Variants in RIN3 observed in about 807,000 individuals in gnomAD.
RIN3 encodes Ras and Rab interactor 3.
RIN3 carries 54 observed loss-of-function variants against 76.3 expected under a neutral mutation model. That is an observed-to-expected ratio of 0.71 (90% CI 0.57 to 0.89). The LOEUF is 0.89. Among genes scored for constraint, RIN3 ranks in the 40% least tolerant of loss-of-function variants. RIN3 has a pLI of 0.00. For missense variants in RIN3, 1,256 were observed against 1,322.1 expected (o/e 0.95, Z 0.78); for synonymous variants, 576 against 564.0 (o/e 1.02, Z -0.30).
At chr14:92,659,562 G>A in intron 7 of RIN3, 93 bp downstream of exon 7, 1 of 1,227,884 alleles carries the variant, frequency 8.1e-7, no homozygotes, top group East Asian at 2.5e-5. Flanking sequence ...CCCTTGGAAG[G>A]CCCCAGACTT....
chr14:92,640,006 ATGCCTGACTGTGTGTTCGTCGAGGGC>A, intron 4 of RIN3, among the ~76,000 whole-genome samples: 1 of 117,298 alleles, frequency 8.5e-6, no homozygotes, highest in African/African-American at 3.4e-5. Flanking sequence ...TTGCTGGGAG[ATGCCTGACTGTGTGTTCGTCGAGGGC>A]TGCCTGACTG....
intron 2 of RIN3, among the ~76,000 whole-genome samples, chr14:92,570,488 C>A (rs773622943): frequency 2.0e-5 from 3 of 152,064 alleles, no homozygotes; most frequent in African/African-American, 7.2e-5. Context: ...TATGATGAAG[C>A]CCCATCTCCA....
At chr14:92,617,339 C>T (rs1595459333) in intron 4 of RIN3, among the ~76,000 whole-genome samples, 2 of 152,116 alleles carry the variant, frequency 1.3e-5, no homozygotes, top group East Asian at 3.9e-4. Context: ...AAAATTCCCC[C>T]CTTTTTGGTC....
chr14:92,581,371 T>C (rs1898431653), intron 3 of RIN3, among the ~76,000 whole-genome samples: 1 of 152,204 alleles, frequency 6.6e-6, no homozygotes, highest in African/African-American at 2.4e-5. Context: ...CCTACAACTT[T>C]CGGAAACCCA....
At chr14:92,682,707 T>C (rs1388407029) in intron 8 of RIN3, among the ~76,000 whole-genome samples, 1 of 152,160 alleles carries the variant, frequency 6.6e-6, no homozygotes, top group East Asian at 1.9e-4. Context: ...CACTTATATC[T>C]AAGGGGCCAC....
At chr14:92,674,889 C>A (rs1392619774) in intron 7 of RIN3, among the ~76,000 whole-genome samples, 59 of 118,462 alleles carry the variant, frequency 5.0e-4, no homozygotes, top group South Asian at 5.5e-4. Flanking sequence ...AACTCTGTCT[C>A]AAAAAAAAAA....
chr14:92,615,484 G>A lies in RIN3; in HGVS notation c.440+5G>A. 1.2e-6 allele frequency: 2 copies of A among 1,612,676 alleles called. No homozygotes were observed. Among genetic ancestry groups the A allele is most frequent in the Non-Finnish European group, 1.7e-6 (2 of 1,178,684 alleles). On this transcript the variant is annotated splice_donor_5th_base_variant and intron_variant, in intron 4 of 9. Coordinates refer to ENST00000216487, the MANE Select transcript of RIN3 (RefSeq NM_024832.5). Reference sequence around the variant, plus strand: ...TGCGTTCTACTGTGTCAGTAGGTGAGTAGACCCGGCCCTGCAGGAGGTTAT... The same window carrying A: ...TGCGTTCTACTGTGTCAGTAGGTGAATAGACCCGGCCCTGCAGGAGGTTAT...
At chr14:92,679,613 A>G (rs116626842) in intron 8 of RIN3, among the ~76,000 whole-genome samples, 1,521 of 151,976 alleles carry the variant, frequency 0.01, 31 homozygotes, top group African/African-American at 0.035. Flanking sequence ...GGTGTTTCTG[A>G]GTTTCTCTGG....
At chr14:92,600,840 G>A (rs930125343) in intron 3 of RIN3, among the ~76,000 whole-genome samples, 2 of 152,194 alleles carry the variant, frequency 1.3e-5, no homozygotes, top group Non-Finnish European at 2.9e-5. Context: ...CAGTATCCCC[G>A]GGCTCTGTCC....
At chr14:92,556,594 G>GGATGGAC (rs1897589870) in intron 2 of RIN3, among the ~76,000 whole-genome samples, 1 of 95,144 alleles carries the variant, frequency 1.1e-5, no homozygotes, top group African/African-American at 4.1e-5. Flanking sequence ...ATAGATAGAT[G>GGATGGAC]GATGGACGTA....
rs182840917 is a variant in RIN3 at position 92,636,270 on chromosome 14, A to G, written c.441-4968A>G. Among the ~76,000 whole-genome samples, 843 of 152,232 alleles carry G rather than the reference A, an allele frequency of 5.5e-3. 1 individual carries two copies. The highest frequency in any genetic ancestry group is 8.5e-3 in the South Asian group (41 of 4,820). ...AGGGAAAGAGAGAGAGAAAGAAAGAAAGCTTGGATGACCATCAAAAGAAGA... is the reference window on the plus strand; with the variant it reads ...AGGGAAAGAGAGAGAGAAAGAAAGAGAGCTTGGATGACCATCAAAAGAAGA... On this transcript the variant is annotated intron_variant, in intron 4 of 9. Coordinates refer to ENST00000216487, the MANE Select transcript of RIN3 (RefSeq NM_024832.5).
intron 4 of RIN3, among the ~76,000 whole-genome samples, chr14:92,620,110 C>G (rs1886119958): frequency 6.6e-6 from 1 of 152,082 alleles, no homozygotes; most frequent in Admixed American, 6.5e-5. Flanking sequence ...ATTATTAAAC[C>G]AATTAATGTA....
intron 7 of RIN3, among the ~76,000 whole-genome samples, chr14:92,666,551 T>C (rs1888112723): frequency 7.2e-6 from 1 of 139,816 alleles, no homozygotes; most frequent in Admixed American, 7.4e-5. Context: ...TTGGATAAAC[T>C]GGCCCTCCAT....
intron 6 of RIN3, among the ~76,000 whole-genome samples, chr14:92,655,702 T>A (rs1887642937): frequency 6.6e-6 from 1 of 152,076 alleles, no homozygotes; most frequent in South Asian, 2.1e-4. Flanking sequence ...GCAGCACAGA[T>A]GGGGAGACAT....
At chr14:92,670,612 G>C (rs188306173) in intron 7 of RIN3, among the ~76,000 whole-genome samples, 1 of 152,138 alleles carries the variant, frequency 6.6e-6, no homozygotes, top group African/African-American at 2.4e-5. Flanking sequence ...ATGCCTGTGT[G>C]GATACTTTCT....
At chr14:92,582,828 A>G (rs1056603854) in intron 3 of RIN3, among the ~76,000 whole-genome samples, 1 of 152,120 alleles carries the variant, frequency 6.6e-6, no homozygotes, top group Non-Finnish European at 1.5e-5. Flanking sequence ...GCACCCAGAC[A>G]ACATTAAGAA....
At chr14:92,579,979 A>T (rs1357667922) in intron 3 of RIN3, among the ~76,000 whole-genome samples, 1 of 152,226 alleles carries the variant, frequency 6.6e-6, no homozygotes, top group Non-Finnish European at 1.5e-5. Context: ...TTGAAGGTTA[A>T]TCTTCTAGCC....
At chr14:92,582,206 G>C (rs530154859) in intron 3 of RIN3, among the ~76,000 whole-genome samples, 1 of 152,352 alleles carries the variant, frequency 6.6e-6, no homozygotes, top group African/African-American at 2.4e-5. Flanking sequence ...CTCAGAGACA[G>C]AGACGGCCAG....
chr14:92,668,622 T>C (rs1459386871), intron 7 of RIN3, among the ~76,000 whole-genome samples: 4 of 152,200 alleles, frequency 2.6e-5, no homozygotes, highest in African/African-American at 9.6e-5. Context: ...AGCCACAGAC[T>C]TGACAAGTGA....
Sources: allele counts gnomAD v4.1 joint callset (sites outside exome capture counted in the v4.1 genomes callset), GRCh38; gene constraint gnomAD v4.1.1; transcripts MANE v1.5; gene names NCBI Gene and HGNC (gene_info 2026-07-23, HGNC 2026-07-21).